The following ADCY3 variants were observed in gnomAD, a reference collection of about 807,000 sequenced individuals.
The protein encoded by ADCY3 is adenylate cyclase 3.
Under a neutral mutation model 119.4 loss-of-function variants are expected in ADCY3, and 70 were observed. The ratio of observed to expected loss-of-function variants is 0.59; its 90% CI spans 0.48 to 0.72. The LOEUF (loss-of-function observed/expected upper bound fraction) is 0.72, where lower values mean the gene tolerates loss of function less well. ADCY3 is among the 30% of genes least tolerant of loss of function. The pLI is 0.00. For synonymous variants in ADCY3, 672 were observed against 621.4 expected, an observed-to-expected ratio of 1.08 and a Z score of -1.21; for missense variants, 1,238 against 1,541.6, an observed-to-expected ratio of 0.80 and a Z score of 3.30.
chr2:24,832,408 C>T (rs1293091948), intron 11 of ADCY3, among the ~76,000 whole-genome samples: 1 of 152,134 alleles, frequency 6.6e-6, no homozygotes, highest in African/African-American at 2.4e-5. Flanking sequence ...CTGCCGGGGG[C>T]TAAGAGTCTG....
At chr2:24,859,449 C>T (rs762022114) in intron 3 of ADCY3, among the ~76,000 whole-genome samples, 2 of 152,224 alleles carry the variant, frequency 1.3e-5, no homozygotes, top group Non-Finnish European at 2.9e-5. Flanking sequence ...CAAGAGGCAA[C>T]TGGCCTCTGG....
intron 3 of ADCY3, among the ~76,000 whole-genome samples, chr2:24,867,719 A>T (rs1674476104): frequency 6.6e-6 from 1 of 152,242 alleles, no homozygotes; most frequent in South Asian, 2.1e-4. Flanking sequence ...GGAATTCTTC[A>T]AGAAAATGAA....
chr2:24,908,957 C>T (rs1258441303), intron 2 of ADCY3, among the ~76,000 whole-genome samples: 2 of 152,148 alleles, frequency 1.3e-5, no homozygotes, highest in African/African-American at 4.8e-5. Flanking sequence ...TTTGATTCTA[C>T]ACACTCTCCC....
intron 16 of ADCY3, among the ~76,000 whole-genome samples, chr2:24,825,190 G>GAA (rs1003058663): frequency 3.9e-5 from 6 of 152,152 alleles, no homozygotes; most frequent in African/African-American, 1.4e-4. Context: ...ATTTGGGTAA[G>GAA]AAGTGGCTTG....
At chr2:24,846,152 CCA>C (rs1468647321) in intron 3 of ADCY3, among the ~76,000 whole-genome samples, 19 of 152,262 alleles carry the variant, frequency 1.2e-4, no homozygotes, top group African/African-American at 4.6e-4. Context: ...GTCGGAGCCA[CCA>C]CACAGAGTCC....
At chr2:24,891,858 T>A (rs1284331087) in intron 2 of ADCY3, among the ~76,000 whole-genome samples, 1 of 152,232 alleles carries the variant, frequency 6.6e-6, no homozygotes, top group Non-Finnish European at 1.5e-5. Context: ...CATCTCTTAC[T>A]GTGCCTAATT....
At chr2:24,910,288 C>T (rs748121020) in intron 2 of ADCY3, among the ~76,000 whole-genome samples, 2 of 152,116 alleles carry the variant, frequency 1.3e-5, no homozygotes, top group African/African-American at 2.4e-5. Context: ...TTGCAGCATC[C>T]GGGGCTCATA....
chr2:24,877,129 C>G (rs982400776), intron 2 of ADCY3, among the ~76,000 whole-genome samples: 4 of 152,266 alleles, frequency 2.6e-5, no homozygotes, highest in African/African-American at 9.6e-5. Context: ...ATGTCCCCCA[C>G]ACATGGCCCT....
intron 2 of ADCY3, among the ~76,000 whole-genome samples, chr2:24,913,369 C>G (rs1362507531): frequency 6.6e-6 from 1 of 152,208 alleles, no homozygotes; most frequent in Non-Finnish European, 1.5e-5. Flanking sequence ...CCTGTTATAC[C>G]TTAGGGACTG....
rs762177923 is a variant in ADCY3, at chr2:24,918,452, AAGG to A, written c.533_535del (p.Ser178del). 6.2e-7 allele frequency: 1 copy of A among 1,613,998 alleles called. No homozygotes were observed. Among genetic ancestry groups the A allele is most frequent in the Non-Finnish European group, 8.5e-7 (1 of 1,180,012 alleles). On this transcript the variant is annotated inframe_deletion, in exon 2 of 22. Transcript: ENST00000679454. This position sits in a 1 kb window ranked among gnomAD's most constrained non-coding sequence, Gnocchi z 5.4. ...GAGGCTGAGGGGCAGCGTGATGAAG[AAGG>A]AGAAGACAAAGAAGACCTGCCAGCC... is the stretch of plus-strand genomic sequence containing the variant.
intron 3 of ADCY3, among the ~76,000 whole-genome samples, chr2:24,861,533 G>A (rs979003855): frequency 2.0e-5 from 3 of 152,066 alleles, no homozygotes; most frequent in African/African-American, 7.2e-5. Flanking sequence ...GACTGTCTGC[G>A]GCCCTTTCCA....
intron 2 of ADCY3, among the ~76,000 whole-genome samples, chr2:24,914,105 T>A (rs1009756361): frequency 6.6e-6 from 1 of 152,144 alleles, no homozygotes; most frequent in African/African-American, 2.4e-5. Context: ...GGGCAAGTAA[T>A]TCCGTAACAG....
chr2:24,825,862 T>C, intron 16 of ADCY3, 183 bp downstream of exon 16: 3 of 628,194 alleles, frequency 4.8e-6, no homozygotes, highest in Non-Finnish European at 5.7e-6. Flanking sequence ...AGGAACTGTC[T>C]TCCTGTGTGA....
At chr2:24,868,447 C>T (rs1219558309) in intron 3 of ADCY3, among the ~76,000 whole-genome samples, 1 of 150,414 alleles carries the variant, frequency 6.6e-6, no homozygotes, top group African/African-American at 2.5e-5. Context: ...GCCGAGGTTT[C>T]GAGACCAGCC....
chr2:24,877,868 G>A, intron 2 of ADCY3: 1 of 470,966 alleles, frequency 2.1e-6, no homozygotes, highest in East Asian at 6.9e-5. Context: ...AAGGGCAACA[G>A]CTGTACCTGG....
chr2:24,887,672 G>A (rs1268421210), intron 2 of ADCY3, among the ~76,000 whole-genome samples: 1 of 152,012 alleles, frequency 6.6e-6, no homozygotes, highest in Non-Finnish European at 1.5e-5. Context: ...AACACTCGGG[G>A]CAGGAAAGCA....
intron 2 of ADCY3, among the ~76,000 whole-genome samples, chr2:24,893,952 T>C (rs1288216065): frequency 2.6e-5 from 4 of 152,242 alleles, no homozygotes; most frequent in Non-Finnish European, 5.9e-5. Flanking sequence ...ATTATCAATA[T>C]GGCTATATTT....
chr2:24,909,821 C>T (rs980105352), intron 2 of ADCY3, among the ~76,000 whole-genome samples: 4 of 152,198 alleles, frequency 2.6e-5, no homozygotes, highest in African/African-American at 9.7e-5. Flanking sequence ...TCAATTCATT[C>T]CCTCCCTTAC....
intron 3 of ADCY3, among the ~76,000 whole-genome samples, chr2:24,845,924 G>A (rs13390269): frequency 0.064 from 9,763 of 152,336 alleles, 380 homozygotes; most frequent in East Asian, 0.09. Context: ...TGCAGAGCCT[G>A]GGCTGTGGCT....
Sources: allele counts gnomAD v4.1 joint callset (sites outside exome capture counted in the v4.1 genomes callset), GRCh38; gene constraint gnomAD v4.1.1; non-coding constraint Gnocchi (gnomAD v3.1); transcripts MANE v1.5; gene names NCBI Gene and HGNC (gene_info 2026-07-23, HGNC 2026-07-21).